Variants in RBMS3 observed in about 807,000 individuals in gnomAD.
RBMS3 encodes the protein RNA binding motif single stranded interacting protein 3.
In RBMS3, 27 loss-of-function variants were observed where a neutral mutation model predicts 66.8. That is an observed-to-expected ratio of 0.40 (90% CI 0.30 to 0.56). RBMS3 has a LOEUF of 0.56. Among genes scored for constraint, RBMS3 ranks in the 20% least tolerant of loss-of-function variants. RBMS3 has a pLI of 0.40. For synonymous variants in RBMS3, 188 were observed against 183.0 expected (o/e 1.03, Z -0.22); for missense variants, 513 against 549.5 (o/e 0.93, Z 0.66).
chr3:29,644,085 T>C (rs1431026627), intron 4 of RBMS3, among the ~76,000 whole-genome samples: 1 of 152,200 alleles, frequency 6.6e-6, no homozygotes, highest in Non-Finnish European at 1.5e-5. Flanking sequence ...GCTTGGTTAG[T>C]CTGAATCCAA....
At chr3:29,492,777 C>A (rs1015891961) in intron 3 of RBMS3, among the ~76,000 whole-genome samples, 7 of 152,122 alleles carry the variant, frequency 4.6e-5, no homozygotes, top group African/African-American at 1.7e-4. Context: ...GAAGTAGTGT[C>A]CTCAGGGTAA....
In RBMS3 at chr3:29,689,688, T is replaced by C. The variant is rs1192687034; in HGVS notation, c.400-50032T>C. ...TAAGGAAGCACTATGCAAATTATTT[T>C]TTCTCAGTTATTAGTCTAAGAAAGA... On this transcript the variant is annotated intron_variant, in intron 4 of 14. Transcript: ENST00000383767. Among the ~76,000 whole-genome samples the C allele has an allele frequency of 2.0e-5, 3 of 152,046 alleles. 1 individual carries two copies. Among genetic ancestry groups the C allele is most frequent in the Non-Finnish European group, 4.4e-5 (3 of 68,010 alleles).
At chr3:29,659,194 AT>A (rs200581969) in intron 4 of RBMS3, among the ~76,000 whole-genome samples, 1 of 152,030 alleles carries the variant, frequency 6.6e-6, no homozygotes, top group Non-Finnish European at 1.5e-5. Context: ...ATGTACAGAG[AT>A]TTTTTTTCCA....
chr3:29,817,615 A>T (rs1482734110), intron 6 of RBMS3, among the ~76,000 whole-genome samples: 2 of 152,128 alleles, frequency 1.3e-5, no homozygotes, highest in Non-Finnish European at 2.9e-5. Context: ...GTAGAAGTCA[A>T]CATGCATTTG....
chr3:29,845,095 T>C (rs1459591933), intron 6 of RBMS3, among the ~76,000 whole-genome samples: 2 of 152,210 alleles, frequency 1.3e-5, no homozygotes, highest in African/African-American at 4.8e-5. Flanking sequence ...TTATAGGCCA[T>C]GGAGGCTCAT....
intron 6 of RBMS3, among the ~76,000 whole-genome samples, chr3:29,827,051 GT>G (rs566860390): frequency 6.0e-4 from 92 of 152,240 alleles, no homozygotes; most frequent in African/African-American, 2.2e-3. Context: ...TAGACCTCCA[GT>G]ATAGCTACCT....
intron 6 of RBMS3, among the ~76,000 whole-genome samples, chr3:29,832,903 A>T (rs2058411408): frequency 1.3e-5 from 2 of 152,112 alleles, no homozygotes; most frequent in African/African-American, 4.8e-5. Flanking sequence ...ATATACCACT[A>T]TGGACAGCAA....
chr3:29,915,586 G>A (rs1258038307), intron 10 of RBMS3, among the ~76,000 whole-genome samples: 1 of 151,934 alleles, frequency 6.6e-6, no homozygotes, highest in Non-Finnish European at 1.5e-5. Flanking sequence ...AAATTGGATT[G>A]TGGCTCAAAG....
chr3:29,690,348 G>A (rs1171751115), intron 4 of RBMS3, among the ~76,000 whole-genome samples: 1 of 151,914 alleles, frequency 6.6e-6, no homozygotes, highest in Non-Finnish European at 1.5e-5. Flanking sequence ...TACTTGGGAA[G>A]TTGAAGAAGG....
At chr3:29,434,326 G>A (rs1184141105) in intron 1 of RBMS3, among the ~76,000 whole-genome samples, 1 of 152,146 alleles carries the variant, frequency 6.6e-6, no homozygotes, top group African/African-American at 2.4e-5. Context: ...GAGAAAAGGA[G>A]GGAACAAGGT....
intron 12 of RBMS3, among the ~76,000 whole-genome samples, chr3:29,960,757 C>G (rs1696379058): frequency 6.6e-6 from 1 of 152,174 alleles, no homozygotes; most frequent in South Asian, 2.1e-4. Flanking sequence ...GGCTTGCACT[C>G]TCTGAAGCCA....
rs150811026 is a variant in RBMS3, at chr3:29,959,037, A to G, written c.1098+14783A>G. On this transcript the variant is annotated intron_variant, in intron 12 of 14. Coordinates refer to ENST00000383767, the MANE Select transcript of RBMS3 (RefSeq NM_001003793.3). ...ATACAAGAATTCGACTGCTCAATAG[A>G]AGTACCTCATCCCATCTTAATGCTG... is the stretch of plus-strand genomic sequence containing the variant. 5.9e-3 allele frequency among the ~76,000 whole-genome samples: 900 copies of G among 152,322 alleles called. 9 individuals carry two copies. The highest frequency in any genetic ancestry group is 0.021 in the African/African-American group (854 of 41,574).
chr3:29,783,543 G>A (rs2056714188), intron 6 of RBMS3, among the ~76,000 whole-genome samples: 1 of 152,002 alleles, frequency 6.6e-6, no homozygotes. Flanking sequence ...CTGTTAAAGG[G>A]AGCTCTAAAT....
chr3:29,986,614 A>T (rs1698405836), intron 12 of RBMS3, among the ~76,000 whole-genome samples: 1 of 152,212 alleles, frequency 6.6e-6, no homozygotes, highest in South Asian at 2.1e-4. Flanking sequence ...GGGAACTGTT[A>T]TCTACAACAT....
At position 29,573,206 on chromosome 3, in the gene RBMS3, C is replaced by T. The variant is rs570606637; in HGVS notation, c.308-13908C>T. On this transcript the variant is annotated intron_variant, in intron 3 of 14. Transcript: ENST00000383767. ...CACAACCTCAGCTCACTGCAACCTC[C>T]GCCTCCCAGGTTCAAGTGATTCTCC... Among the ~76,000 whole-genome samples, 18 of 152,170 alleles carry T rather than the reference C, an allele frequency of 1.2e-4. No homozygotes were observed. The East Asian group carries it at 1.9e-3, about 16-fold the overall frequency.
At chr3:29,552,915 A>C (rs1173632624) in intron 3 of RBMS3, among the ~76,000 whole-genome samples, 1 of 152,164 alleles carries the variant, frequency 6.6e-6, no homozygotes, top group East Asian at 1.9e-4. Flanking sequence ...AGTTCAATGA[A>C]GCTATATGAC....
intron 4 of RBMS3, among the ~76,000 whole-genome samples, chr3:29,701,704 GAGTT>G (rs1352875900): frequency 6.6e-6 from 1 of 152,200 alleles, no homozygotes; most frequent in African/African-American, 2.4e-5. Flanking sequence ...TGGGCAGTGA[GAGTT>G]AGGCGGGCCA....
chr3:29,368,401 A>C (rs2038020065), intron 1 of RBMS3, among the ~76,000 whole-genome samples: 2 of 152,054 alleles, frequency 1.3e-5, no homozygotes, highest in Admixed American at 1.3e-4. Flanking sequence ...CTGGGTAGAA[A>C]ATTTGTCATC....
chr3:29,961,758 G>T (rs970314921), intron 12 of RBMS3, among the ~76,000 whole-genome samples: 1 of 151,604 alleles, frequency 6.6e-6, no homozygotes, highest in African/African-American at 2.4e-5. Context: ...CAGCATGGAG[G>T]TAGCTGCCCC....
Sources: gnomAD v4.1 joint callset for allele counts (sites outside exome capture counted in the v4.1 genomes callset) on GRCh38, gnomAD v4.1.1 for gene constraint, MANE v1.5 for transcripts, NCBI Gene and HGNC (gene_info 2026-07-23, HGNC 2026-07-21) for gene names.